The following PTK6 variants were observed in gnomAD, a reference collection of about 807,000 sequenced individuals.
PTK6 encodes the protein protein-tyrosine kinase 6.
Under a neutral mutation model 47.5 loss-of-function variants are expected in PTK6, and 47 were observed. That is an observed-to-expected ratio of 0.99 (90% CI 0.78 to 1.26). The LOEUF is 1.26. Among genes scored for constraint, PTK6 ranks in the 50% most tolerant of loss-of-function variants. The pLI is 0.00. For missense variants in PTK6, 618 were observed against 625.3 expected (o/e 0.99, Z 0.12); for synonymous variants, 287 against 276.5 (o/e 1.04, Z -0.38).
chr20:63,537,051 T>A (rs1335068678), intron 1 of PTK6, 34 bp downstream of exon 1: 2 of 1,570,528 alleles, frequency 1.3e-6, no homozygotes, highest in East Asian at 2.4e-5. Flanking sequence ...GAGGGTGGCC[T>A]GTGCCAAAGC....
chr20:63,529,769 C>A lies in PTK6; in HGVS notation c.1169-46G>T. 6.7e-7 allele frequency: 1 copy of A among 1,490,644 alleles called. No individual in the cohort carries two copies. Among genetic ancestry groups the A allele is most frequent in the Non-Finnish European group, 9.0e-7 (1 of 1,114,634 alleles). The allele number at this position is 1,490,644 out of a possible 1,614,324, so 92.3% of individuals were successfully genotyped here. On this transcript the variant is annotated intron_variant, in intron 7 of 7. Coordinates refer to ENST00000542869, the MANE Select transcript of PTK6 (RefSeq NM_005975.4). The surrounding 1 kb of genome is among the most constrained non-coding windows in gnomAD (Gnocchi z 5.6). ...AAGAGCTGGGGCCCACCTGCCTACCCTCCCCCAAGAAGCCACACCAGCCAT... is the reference window on the plus strand; with the variant it reads ...AAGAGCTGGGGCCCACCTGCCTACCATCCCCCAAGAAGCCACACCAGCCAT...
At chr20:63,532,458 G>C (rs1256099934) in intron 5 of PTK6, 68 bp downstream of exon 5, 16 of 1,512,440 alleles carry the variant, frequency 1.1e-5, no homozygotes, top group African/African-American at 1.4e-5. Context: ...CGTGGGGGGG[G>C]GGTGTGCACT....
At chr20:63,532,421 G>A (rs2082631974) in intron 5 of PTK6, 105 bp downstream of exon 5, 2 of 1,377,236 alleles carry the variant, frequency 1.5e-6, no homozygotes, top group South Asian at 2.7e-5. Flanking sequence ...CTGTGTGTCT[G>A]TGTGTCTACG....
rs137987106 is a variant in PTK6 at position 63,537,098 on chromosome 20, C to T, written c.217G>A (p.Val73Met). 2.1e-5 allele frequency: 34 copies of T among 1,609,522 alleles called. No homozygotes were observed. The highest frequency in any genetic ancestry group is 2.7e-5 in the African/African-American group (2 of 74,814). The stretch of plus-strand genomic sequence containing the variant: ...TAGGACACGCACGGTTCCGACTCCA[C>T]CGTCTCCCTCTCGGCCAGGTAGTTG... The part of the protein sequence containing the change: ...PHNYLAERET[V>M]ESEPWFFGCI... The change falls in exon 1 of 8, where the codon GTG becomes ATG. Residue 73 changes from valine (V) to methionine (M), a missense_variant. Physicochemically the swap from Val to Met is conservative, Grantham distance 21. Coordinates refer to ENST00000542869, the MANE Select transcript of PTK6 (RefSeq NM_005975.4).
chr20:63,535,442 A>G (rs2082657204), intron 1 of PTK6, among the ~76,000 whole-genome samples: 1 of 150,564 alleles, frequency 6.6e-6, no homozygotes, highest in Non-Finnish European at 1.5e-5. Flanking sequence ...ACACATGCGC[A>G]CAGTTCACCC....
At chr20:63,535,793 C>T (rs1426629564) in intron 1 of PTK6, among the ~76,000 whole-genome samples, 4 of 96,118 alleles carry the variant, frequency 4.2e-5, no homozygotes, top group Non-Finnish European at 6.0e-5. Flanking sequence ...CTCCCGCCCC[C>T]TCCTCACCTG....
Position 63,530,305 on chromosome 20 carries a change from C to T in PTK6, c.1015-74G>A, listed in dbSNP as rs761781076. The T allele has an allele frequency of 9.4e-5, 146 of 1,560,744 alleles. No individual in the cohort carries two copies. Among genetic ancestry groups the T allele is most frequent in the Non-Finnish European group, 1.2e-4 (134 of 1,142,662 alleles). On this transcript the variant is annotated intron_variant, in intron 6 of 7. Coordinates refer to ENST00000542869, the MANE Select transcript of PTK6 (RefSeq NM_005975.4). The surrounding 1 kb of genome is among the most constrained non-coding windows in gnomAD (Gnocchi z 4.1). ...GCCCCCGAAGCATGGACGGGCACAG[C>T]GGCCGCATTGCCCCAGCAGTGGGAC...
Position 63,528,585 on chromosome 20 carries a change from TG to T in PTK6, c.*950del, listed in dbSNP as rs1236506285. 1.3e-5 allele frequency: 2 copies of T among 151,990 alleles called. No individual in the cohort carries two copies. Among genetic ancestry groups the T allele is most frequent in the African/African-American group, 4.8e-5 (2 of 41,368 alleles). The allele number at this position is 151,990 out of a possible 1,614,324, so 9.4% of individuals were successfully genotyped here. On this transcript the variant is annotated 3_prime_UTR_variant, in exon 8 of 8. Coordinates refer to ENST00000542869, the MANE Select transcript of PTK6 (RefSeq NM_005975.4). ...CCACCACCACACCCAGCTAATTTTT[TG>T]TATTTTTTAGTAGAGACGGGGTTTC...
rs2082615373 is a variant in PTK6, at chr20:63,531,077, T to C, written c.833-150A>G. 2.8e-5 allele frequency: 21 copies of C among 738,222 alleles called. No individual in the cohort carries two copies. In the South Asian group the frequency reaches 4.4e-4, roughly 16 times the overall value. The allele number at this position is 738,222 out of a possible 1,614,324, so 45.7% of individuals were successfully genotyped here. On this transcript the variant is annotated intron_variant, in intron 5 of 7. Coordinates refer to ENST00000542869, the MANE Select transcript of PTK6 (RefSeq NM_005975.4). ...AAAGGGCAGCTGGCCTGATTGAAAA[T>C]TGGAACTGCAGGCCAGCTACCGCCC...
chr20:63,534,012 A>C, intron 3 of PTK6, 140 bp downstream of exon 3: 2 of 1,240,334 alleles, frequency 1.6e-6, no homozygotes, highest in Non-Finnish European at 2.2e-6. Flanking sequence ...CTGCAGAACC[A>C]TGGGCTTCCC....
intron 1 of PTK6, 79 bp downstream of exon 1, chr20:63,537,006 G>A: frequency 7.0e-7 from 1 of 1,436,526 alleles, no homozygotes; most frequent in East Asian, 2.5e-5. Context: ...GGGCCTCCCT[G>A]AGCAGCCCAG....
chr20:63,531,433 A>T (rs1306052965), intron 5 of PTK6, among the ~76,000 whole-genome samples: 3 of 115,504 alleles, frequency 2.6e-5, no homozygotes, highest in African/African-American at 1.5e-4. Context: ...AAAAAAAAAA[A>T]AAAAATATAT....
At chr20:63,536,869 A>C (rs761247055) in intron 1 of PTK6, among the ~76,000 whole-genome samples, 6 of 152,214 alleles carry the variant, frequency 3.9e-5, no homozygotes, top group Non-Finnish European at 7.3e-5. Context: ...CCCGTGCTCC[A>C]ACTCCCGCAG....
Position 63,529,365 on chromosome 20 carries a change from A to G in PTK6, c.*171T>C, listed in dbSNP as rs931986933. 25 of 686,666 alleles carry G rather than the reference A, an allele frequency of 3.6e-5. No individual in the cohort carries two copies. Among genetic ancestry groups the G allele is most frequent in the Non-Finnish European group, 5.2e-5 (23 of 442,560 alleles). The allele number at this position is 686,666 out of a possible 1,614,324, so 42.5% of individuals were successfully genotyped here. On this transcript the variant is annotated 3_prime_UTR_variant, in exon 8 of 8. Coordinates refer to ENST00000542869, the MANE Select transcript of PTK6 (RefSeq NM_005975.4). The surrounding 1 kb of genome is among the most constrained non-coding windows in gnomAD (Gnocchi z 5.6). ...GACCCAAGGCACACACGATGGAGTA[A>G]GGAGAGGAGCACACGCGTGTATTGG...
Position 63,532,516 on chromosome 20 carries a change from T to G in PTK6, c.832+10A>C, listed in dbSNP as rs748494978. ...TGCCTCCAGCAAGAGCCCCGGCCCA[T>G]GCCACTCACCGCGGAGCAGCTCCAG... On this transcript the variant is annotated intron_variant, in intron 5 of 7. Transcript: ENST00000542869. 4.3e-5 allele frequency: 69 copies of G among 1,601,702 alleles called. No individual in the cohort carries two copies. The highest frequency in any genetic ancestry group is 5.9e-5 in the Non-Finnish European group (69 of 1,170,992).
chr20:63,532,027 C>T (rs759247830), intron 5 of PTK6, among the ~76,000 whole-genome samples: 24 of 152,252 alleles, frequency 1.6e-4, no homozygotes, highest in Non-Finnish European at 2.8e-4. Flanking sequence ...CCTTCACGCA[C>T]GGGCATCTCC....
rs912329169 is a variant in PTK6 at position 63,528,285 on chromosome 20, T to C, written c.*1251A>G. Reference sequence around the variant, plus strand: ...ACTATTTCACACGCTTTCCATCTCATGTAGCACATCGGATAAGCCTGATTA... The same window carrying C: ...ACTATTTCACACGCTTTCCATCTCACGTAGCACATCGGATAAGCCTGATTA... On this transcript the variant is annotated 3_prime_UTR_variant, in exon 8 of 8. Coordinates refer to ENST00000542869, the MANE Select transcript of PTK6 (RefSeq NM_005975.4). 6.6e-6 allele frequency: 1 copy of C among 152,228 alleles called. No individual in the cohort carries two copies. Among genetic ancestry groups the C allele is most frequent in the Non-Finnish European group, 1.5e-5 (1 of 68,046 alleles). 9.4% of individuals were successfully genotyped at this position (152,228 alleles called of 1,614,324 possible).
rs1441051379 is a variant in PTK6 at position 63,532,634 on chromosome 20, G to T, written c.724C>A (p.Leu242Met). The change falls in exon 5 of 8, where the codon CTG becomes ATG. Residue 242 changes from leucine (L) to methionine (M), a missense_variant. Leu to Met is a conservative substitution (Grantham distance 15). Transcript: ENST00000542869. Reference sequence around the variant, plus strand: ...AGCGCCAGGATGTGTTTGTGCCGCAGCTTCTTCATGGCCTGGATCTCCGAC... The same window carrying T: ...AGCGCCAGGATGTGTTTGTGCCGCATCTTCTTCATGGCCTGGATCTCCGAC... ...LQSEIQAMKK[L>M]RHKHILALYA... The T allele has an allele frequency of 6.2e-7, 1 of 1,614,028 alleles. No homozygotes were observed. The highest frequency in any genetic ancestry group is 8.5e-7 in the Non-Finnish European group (1 of 1,180,028).
In PTK6 at chr20:63,529,855, G is replaced by T; in HGVS notation, c.1169-132C>A. On this transcript the variant is annotated intron_variant, in intron 7 of 7. Coordinates refer to ENST00000542869, the MANE Select transcript of PTK6 (RefSeq NM_005975.4). The surrounding 1 kb of genome is among the most constrained non-coding windows in gnomAD (Gnocchi z 5.6). Reference sequence around the variant, plus strand: ...AGCTGCCATGCCTTGGCGCCACCCAGCACACTGTCCACTGCTAACACCTCC... The same window carrying T: ...AGCTGCCATGCCTTGGCGCCACCCATCACACTGTCCACTGCTAACACCTCC... 1 of 1,158,362 alleles carries T rather than the reference G, an allele frequency of 8.6e-7. No homozygotes were observed. Among genetic ancestry groups the T allele is most frequent in the Non-Finnish European group, 1.2e-6 (1 of 836,648 alleles). 71.8% of individuals were successfully genotyped at this position (1,158,362 alleles called of 1,614,324 possible).
Sources: gnomAD v4.1 joint callset for allele counts (sites outside exome capture counted in the v4.1 genomes callset) on GRCh38, gnomAD v4.1.1 for gene constraint, Gnocchi (gnomAD v3.1) non-coding constraint, MANE v1.5 for transcripts, NCBI Gene and HGNC (gene_info 2026-07-23, HGNC 2026-07-21) for gene names.